The following HHLA2 variants were observed in gnomAD, a reference collection of about 807,000 sequenced individuals.
HHLA2 encodes the protein HERV-H LTR-associating protein 2.
HHLA2 carries 48 observed loss-of-function variants against 45.9 expected under a neutral mutation model. The observed-to-expected ratio is 1.05, with a 90% CI of 0.83 to 1.33. The LOEUF is 1.33. Among genes scored for constraint, HHLA2 ranks in the 40% most tolerant of loss-of-function variants. HHLA2 has a pLI of 0.00. For missense variants in HHLA2, 462 were observed against 494.3 expected (o/e 0.93, Z 0.62); for synonymous variants, 161 against 173.9 (o/e 0.93, Z 0.59).
chr3:108,305,627 A>G (rs2080916954), intron 1 of HHLA2, among the ~76,000 whole-genome samples: 1 of 152,048 alleles, frequency 6.6e-6, no homozygotes, highest in African/African-American at 2.4e-5. Flanking sequence ...TATCAGGAGG[A>G]ACCAGACACT....
At chr3:108,376,657 C>T in intron 10 of HHLA2, 100 bp downstream of exon 9, 1 of 1,022,658 alleles carries the variant, frequency 9.8e-7, no homozygotes, top group South Asian at 1.5e-5. Flanking sequence ...TCAAGCAAGA[C>T]TTTTATACAG....
Position 108,351,884 on chromosome 3 carries a change from T to C in HHLA2, c.64+7T>C. On this transcript the variant is annotated splice_region_variant and intron_variant, in intron 4 of 10. Coordinates refer to ENST00000619531, the Ensembl canonical transcript of HHLA2. ...TCTCTGAGTGGATCTCAAGGTAATT[T>C]CGTTTGTAATACAAGTGTTAGTTAT... 1 of 1,582,114 alleles carries C rather than the reference T, an allele frequency of 6.3e-7. No homozygotes were observed.
At chr3:108,370,913 T>C (rs2082158628) in intron 8 of HHLA2, among the ~76,000 whole-genome samples, 1 of 152,168 alleles carries the variant, frequency 6.6e-6, no homozygotes, top group African/African-American at 2.4e-5. Context: ...GGGGAAGTTC[T>C]CCTGGATAAT....
intron 8 of HHLA2, among the ~76,000 whole-genome samples, chr3:108,374,546 T>C (rs2082238515): frequency 6.6e-6 from 1 of 151,030 alleles, no homozygotes; most frequent in Non-Finnish European, 1.5e-5. Flanking sequence ...ACAGGCAACC[T>C]ACAGAATGGG....
chr3:108,377,268 G>A, exon 11 of HHLA2: 1 of 1,573,102 alleles, frequency 6.4e-7, no homozygotes, highest in South Asian at 1.1e-5. Context: ...CCTCTTTCAG[G>A]AAAAGTATAG....
intron 2 of HHLA2, 74 bp downstream of exon 2, chr3:108,310,815 TA>T (rs1222437586): frequency 6.6e-6 from 1 of 152,644 alleles, no homozygotes; most frequent in Non-Finnish European, 1.5e-5. Flanking sequence ...ATACAACATT[TA>T]AAAGACATAT....
chr3:108,332,967 T>C (rs986730372), intron 3 of HHLA2, among the ~76,000 whole-genome samples: 1 of 152,170 alleles, frequency 6.6e-6, no homozygotes, highest in African/African-American at 2.4e-5. Flanking sequence ...TTGTATATGA[T>C]AGACACCTAT....
intron 8 of HHLA2, among the ~76,000 whole-genome samples, chr3:108,369,784 G>A (rs368040816): frequency 1.1e-4 from 17 of 152,330 alleles, no homozygotes; most frequent in South Asian, 1.0e-3. Flanking sequence ...CACCATTGCC[G>A]AGGCTTGAGT....
intron 6 of HHLA2, 139 bp from the exon 6 acceptor site, chr3:108,357,705 A>G (rs1311394057): frequency 1.4e-6 from 1 of 712,074 alleles, no homozygotes; most frequent in Non-Finnish European, 2.3e-6. Context: ...ACCACAGTAC[A>G]AATATAATTA....
At chr3:108,328,485 G>T in intron 3 of HHLA2, 1 of 611,692 alleles carries the variant, frequency 1.6e-6, no homozygotes, top group South Asian at 2.7e-5. Flanking sequence ...ATTTGGAGGT[G>T]AATATTATTA....
intron 2 of HHLA2, among the ~76,000 whole-genome samples, chr3:108,316,071 T>C (rs924089724): frequency 4.7e-5 from 7 of 150,222 alleles, no homozygotes; most frequent in African/African-American, 1.7e-4. Context: ...TTAGAACAGC[T>C]TATGACAAAC....
exon 10 of HHLA2, chr3:108,376,541 A>T (rs184070601): frequency 1.2e-6 from 2 of 1,612,536 alleles, no homozygotes; most frequent in African/African-American, 2.7e-5. Flanking sequence ...GCACCCGATA[A>T]TGGCGAAGAA....
At chr3:108,356,029 CTTTTTTTTT>C (rs3053487) in intron 6 of HHLA2, among the ~76,000 whole-genome samples, 3 of 118,228 alleles carry the variant, frequency 2.5e-5, no homozygotes, top group Admixed American at 2.0e-4. Flanking sequence ...ATTTGTTTTC[CTTTTTTTTT>C]TTTTTTTTTG....
chr3:108,366,057 G>A (rs558280423), intron 8 of HHLA2, among the ~76,000 whole-genome samples: 26 of 152,254 alleles, frequency 1.7e-4, no homozygotes, highest in African/African-American at 5.1e-4. Flanking sequence ...GTCTTGCGCC[G>A]GTTTTCAAGG....
rs771471810 is a variant in HHLA2, at chr3:108,353,680, AT to A, written c.323del (p.Phe108SerfsTer4). The A allele has an allele frequency of 6.2e-7, 1 of 1,613,562 alleles. No homozygotes were observed. The highest frequency in any genetic ancestry group is 8.5e-7 in the Non-Finnish European group (1 of 1,179,772). On this transcript the variant is annotated frameshift_variant, in exon 5 of 11. Coordinates refer to ENST00000619531, the Ensembl canonical transcript of HHLA2. LOFTEE classifies it high-confidence loss of function. Reference sequence around the variant, plus strand: ...AGATTCAAAATGGGAATGCGTCGCTATTTTTCAGAAGAGTAAGCCTTCTGGA... The same window carrying A: ...AGATTCAAAATGGGAATGCGTCGCTATTTTCAGAAGAGTAAGCCTTCTGGA...
intron 1 of HHLA2, among the ~76,000 whole-genome samples, chr3:108,304,932 T>C (rs946604009): frequency 2.0e-5 from 3 of 152,200 alleles, no homozygotes; most frequent in Non-Finnish European, 2.9e-5. Flanking sequence ...CTGAGTAGGA[T>C]TACTGGTTGA....
At chr3:108,371,002 A>G (rs1003935213) in intron 8 of HHLA2, among the ~76,000 whole-genome samples, 10 of 152,312 alleles carry the variant, frequency 6.6e-5, no homozygotes, top group Admixed American at 1.3e-4. Context: ...CCTCGAGAAG[A>G]GCAACTCCAA....
intron 2 of HHLA2, among the ~76,000 whole-genome samples, chr3:108,314,341 TAAA>T (rs35811968): frequency 6.8e-6 from 1 of 146,246 alleles, no homozygotes; most frequent in Non-Finnish European, 1.5e-5. Context: ...TACTGTCTCT[TAAA>T]AAAAAAAAAA....
chr3:108,346,897 G>A (rs13326280), intron 3 of HHLA2, among the ~76,000 whole-genome samples: 1 of 152,276 alleles, frequency 6.6e-6, no homozygotes, highest in South Asian at 2.1e-4. Context: ...TTTTATGCTT[G>A]TAGAAATGGC....
Sources: allele counts gnomAD v4.1 joint callset (sites outside exome capture counted in the v4.1 genomes callset), GRCh38; gene constraint gnomAD v4.1.1; transcripts MANE v1.5; gene names NCBI Gene and HGNC (gene_info 2026-07-23, HGNC 2026-07-21).